IGDCC3: variants seen among roughly 807,000 people sequenced by gnomAD.
IGDCC3 encodes immunoglobulin superfamily DCC subclass member 3, also known as putative neuronal cell adhesion molecule.
Under a neutral mutation model 72.0 loss-of-function variants are expected in IGDCC3, and 47 were observed. That is an observed-to-expected ratio of 0.65 (90% CI 0.52 to 0.83). IGDCC3 has a LOEUF of 0.83. Ranked by LOEUF, IGDCC3 falls within the 40% of genes least tolerant of loss-of-function variation. IGDCC3 has a pLI of 0.00. For synonymous variants in IGDCC3, 477 were observed against 472.8 expected (o/e 1.01, Z -0.11); for missense variants, 1,038 against 1,091.3 (o/e 0.95, Z 0.69).
chr15:65,375,006 G>T, intron 2 of IGDCC3, 91 bp downstream of exon 2: 1 of 1,163,958 alleles, frequency 8.6e-7, no homozygotes, highest in Non-Finnish European at 1.2e-6. Context: ...GGCTGCATAA[G>T]ATGGGACTGC....
At chr15:65,342,248 T>G (rs78942004) in intron 2 of IGDCC3, among the ~76,000 whole-genome samples, 1 of 151,610 alleles carries the variant, frequency 6.6e-6, no homozygotes, top group Non-Finnish European at 1.5e-5. Context: ...TAGCCGGGCG[T>G]GGTGGCACAT....
intron 7 of IGDCC3, 33 bp downstream of exon 7, chr15:65,331,907 CT>C: frequency 2.5e-6 from 4 of 1,596,962 alleles, no homozygotes; most frequent in Non-Finnish European, 3.4e-6. Context: ...CTGCTCTCCC[CT>C]GGTCCTCACC....
intron 5 of IGDCC3, among the ~76,000 whole-genome samples, chr15:65,334,293 T>TG (rs1402784783): frequency 1.3e-5 from 2 of 151,814 alleles, no homozygotes; most frequent in Non-Finnish European, 2.9e-5. Context: ...GGCTAGAGAT[T>TG]GGGGGGGCCC....
chr15:65,370,620 G>GTATGTGTA (rs1555432589), intron 2 of IGDCC3, among the ~76,000 whole-genome samples: 11 of 94,592 alleles, frequency 1.2e-4, no homozygotes, highest in African/African-American at 3.8e-4. Flanking sequence ...ATATGTATGT[G>GTATGTGTA]TATATATATA....
Position 65,333,401 on chromosome 15 carries a change from C to T in IGDCC3, c.838G>A (p.Gly280Arg), listed in dbSNP as rs756790052. Reference sequence around the variant, plus strand: ...CCCAGCACCTGGATGCCCTCCACCCCGATAGGGCGACCATCTGCAGAGGAA... The same window carrying T: ...CCCAGCACCTGGATGCCCTCCACCCTGATAGGGCGACCATCTGCAGAGGAA... Reference protein sequence around the residue: ...SWSRLDGRPIGVEGIQVLGTG... With the variant: ...SWSRLDGRPIRVEGIQVLGTG... The change falls in exon 6 of 14, where the codon GGG becomes AGG. Residue 280 changes from glycine to arginine, a missense_variant. Coordinates refer to ENST00000327987, the MANE Select transcript of IGDCC3 (RefSeq NM_004884.4). 4 of 1,603,924 alleles carry T rather than the reference C, an allele frequency of 2.5e-6. No individual in the cohort carries two copies. Among genetic ancestry groups the T allele is most frequent in the Middle Eastern group, 1.7e-4 (1 of 6,022 alleles).
chr15:65,338,757 A>G (rs2091052991), intron 2 of IGDCC3, among the ~76,000 whole-genome samples: 1 of 152,144 alleles, frequency 6.6e-6, no homozygotes, highest in South Asian at 2.1e-4. Flanking sequence ...AAGGGAGTGG[A>G]TGAGTCGCTC....
At chr15:65,337,289 G>A (rs193156305) in intron 2 of IGDCC3, among the ~76,000 whole-genome samples, 12 of 152,264 alleles carry the variant, frequency 7.9e-5, no homozygotes, top group Admixed American at 2.0e-4. Flanking sequence ...CTGCCTCCTC[G>A]TCTTTGAGGG....
At chr15:65,363,829 A>T (rs1016321917) in intron 2 of IGDCC3, among the ~76,000 whole-genome samples, 1 of 152,116 alleles carries the variant, frequency 6.6e-6, no homozygotes, top group South Asian at 2.1e-4. Context: ...GGAGGGGGGA[A>T]TTTGTCTTTC....
rs1039923318 is a variant in IGDCC3 at position 65,377,832 on chromosome 15, C to T, written c.-44G>A. 8.7e-7 allele frequency: 1 copy of T among 1,150,196 alleles called. No individual in the cohort carries two copies. Among genetic ancestry groups the T allele is most frequent in the African/African-American group, 1.6e-5 (1 of 61,296 alleles). The allele number at this position is 1,150,196 out of a possible 1,614,324, so 71.2% of individuals were successfully genotyped here. ...GGCTCGGCGACGCGCGGCTCCCGGG[C>T]CTCTCGCGGCTCACAGCGTCCCGCG... is the stretch of plus-strand genomic sequence containing the variant. On this transcript the variant is annotated 5_prime_UTR_variant, in exon 1 of 14. Transcript: ENST00000327987. The surrounding 1 kb of genome is among the most constrained non-coding windows in gnomAD (Gnocchi z 4.9).
At chr15:65,334,689 C>G (rs757889928) in intron 5 of IGDCC3, 39 bp downstream of exon 5, 2 of 1,499,152 alleles carry the variant, frequency 1.3e-6, no homozygotes, top group Non-Finnish European at 1.8e-6. Context: ...GGGGGTGGGA[C>G]AGGCTGGGAG....
intron 2 of IGDCC3, among the ~76,000 whole-genome samples, chr15:65,346,154 CATG>C (rs1441221739): frequency 6.6e-6 from 1 of 152,184 alleles, no homozygotes. Context: ...AAATAAGCAC[CATG>C]ATAAGGTGGT....
intron 2 of IGDCC3, among the ~76,000 whole-genome samples, chr15:65,358,121 T>C (rs1037175724): frequency 9.2e-5 from 13 of 141,708 alleles, no homozygotes; most frequent in Non-Finnish European, 1.7e-4. Context: ...TTTTTTTTTT[T>C]CTGAGACAGG....
At chr15:65,330,486 A>G (rs1381546320) in intron 10 of IGDCC3, 64 bp downstream of exon 10, 2 of 1,579,974 alleles carry the variant, frequency 1.3e-6, no homozygotes, top group Non-Finnish European at 8.7e-7. Flanking sequence ...CCTGTACGCC[A>G]CCTCCTGGCC....
rs1478605039 is a variant in IGDCC3 at position 65,329,665 on chromosome 15, C to T, written c.1997+61G>A. 2.5e-6 allele frequency: 4 copies of T among 1,612,396 alleles called. No homozygotes were observed. The highest frequency in any genetic ancestry group is 3.4e-6 in the Non-Finnish European group (4 of 1,178,882). ...GACAGAGGCAGTGAGCCCACACTCA[C>T]CTTCTCTAGGCCTAGTCCCCCACAC... On this transcript the variant is annotated intron_variant, in intron 12 of 13. Transcript: ENST00000327987. This position sits in a 1 kb window ranked among gnomAD's most constrained non-coding sequence, Gnocchi z 4.1.
At chr15:65,375,735 A>G (rs1411028960) in intron 1 of IGDCC3, among the ~76,000 whole-genome samples, 3 of 152,192 alleles carry the variant, frequency 2.0e-5, no homozygotes, top group Non-Finnish European at 4.4e-5. Flanking sequence ...GAGACCCAAA[A>G]GCAAGACTGA....
intron 2 of IGDCC3, chr15:65,355,660 G>GCCCCCCCCC (rs935227692): frequency 5.8e-5 from 7 of 120,000 alleles, no homozygotes; most frequent in South Asian, 1.5e-4. Flanking sequence ...CGGGCGTCCC[G>GCCCCCCCCC]CCCCCCCGCC....
chr15:65,352,217 C>T (rs1356007890), intron 2 of IGDCC3, among the ~76,000 whole-genome samples: 2 of 152,152 alleles, frequency 1.3e-5, no homozygotes, highest in East Asian at 1.9e-4. Flanking sequence ...CAGCTTGTAG[C>T]AATTGAGTAA....
intron 2 of IGDCC3, among the ~76,000 whole-genome samples, chr15:65,365,257 C>T (rs972346836): frequency 6.6e-6 from 1 of 152,170 alleles, no homozygotes; most frequent in African/African-American, 2.4e-5. Context: ...AGGGCTAGAA[C>T]TTGTGTCTCT....
At chr15:65,340,202 C>T (rs904595590) in intron 2 of IGDCC3, among the ~76,000 whole-genome samples, 2 of 152,104 alleles carry the variant, frequency 1.3e-5, no homozygotes, top group African/African-American at 4.8e-5. Flanking sequence ...TCTAGGGCCG[C>T]TCAGGGAGGG....
Sources: gnomAD v4.1 joint callset for allele counts (sites outside exome capture counted in the v4.1 genomes callset) on GRCh38, gnomAD v4.1.1 for gene constraint, Gnocchi (gnomAD v3.1) non-coding constraint, MANE v1.5 for transcripts, NCBI Gene and HGNC (gene_info 2026-07-23, HGNC 2026-07-21) for gene names.